The following TMEM68 variants were observed in gnomAD, a reference collection of about 807,000 sequenced individuals.
TMEM68 encodes the protein DGAT1/2-independent enzyme synthesizing storage lipids.
In TMEM68, 25 loss-of-function variants were observed where a neutral mutation model predicts 36.9. That is an observed-to-expected ratio of 0.68 (90% CI 0.49 to 0.95). The LOEUF is 0.95. TMEM68 is among the 40% of genes least tolerant of loss of function. TMEM68 has a pLI of 0.00. For missense variants in TMEM68, 333 were observed against 392.0 expected (o/e 0.85, Z 1.27); for synonymous variants, 131 against 124.4 (o/e 1.05, Z -0.35).
At chr8:55,741,559 G>A (rs1237666878) in intron 7 of TMEM68, among the ~76,000 whole-genome samples, 2 of 152,220 alleles carry the variant, frequency 1.3e-5, no homozygotes, top group Non-Finnish European at 1.5e-5. Context: ...CATACCATCT[G>A]AAGTGTGAAA....
At chr8:55,741,028 G>A (rs184973066) in intron 7 of TMEM68, among the ~76,000 whole-genome samples, 281 of 152,248 alleles carry the variant, frequency 1.8e-3, no homozygotes, top group Non-Finnish European at 3.1e-3. Context: ...GAGATCAAGA[G>A]TTCGAGAGCA....
intron 3 of TMEM68, among the ~76,000 whole-genome samples, chr8:55,759,234 A>T (rs1414397810): frequency 6.8e-6 from 1 of 147,128 alleles, no homozygotes; most frequent in Non-Finnish European, 1.5e-5. Context: ...AGCCTGGGCA[A>T]ATCAGTGAAA....
rs1482779796 is a variant in TMEM68 at position 55,758,876 on chromosome 8, G to A, written c.326-2465C>T. Reference sequence around the variant, plus strand: ...GGTGGATACATGCACAATCAGATTAGGAATTTCAGCAGAAAGATGGAAACT... The same window carrying A: ...GGTGGATACATGCACAATCAGATTAAGAATTTCAGCAGAAAGATGGAAACT... On this transcript the variant is annotated intron_variant, in intron 3 of 7. Transcript: ENST00000434581. 2.6e-5 allele frequency among the ~76,000 whole-genome samples: 4 copies of A among 152,102 alleles called. No individual in the cohort carries two copies. In the East Asian group the frequency reaches 7.7e-4, roughly 29 times the overall value.
chr8:55,767,832 G>C (rs550230729), intron 1 of TMEM68, among the ~76,000 whole-genome samples: 40 of 152,148 alleles, frequency 2.6e-4, no homozygotes, highest in Non-Finnish European at 5.9e-4. Context: ...AACTACTTGG[G>C]AGGCTGAGGC....
At chr8:55,763,132 G>A (rs1479470673) in intron 2 of TMEM68, 104 bp from the exon 3 acceptor site, 1 of 570,100 alleles carries the variant, frequency 1.8e-6, no homozygotes, top group African/African-American at 1.9e-5. Context: ...TACCCAAAAT[G>A]AGTAGATGGT....
At position 55,740,861 on chromosome 8, in the gene TMEM68, T is replaced by C. The variant is rs531555362; in HGVS notation, c.889-643A>G. 1.7e-3 allele frequency among the ~76,000 whole-genome samples: 266 copies of C among 152,278 alleles called. 2 individuals are homozygous for C. Among genetic ancestry groups the C allele is most frequent in the African/African-American group, 6.3e-3 (261 of 41,562 alleles). Reference sequence around the variant, plus strand: ...GGCATGAGTCATCATGAACTATGTATTTACATACATATATACTTCCTTTTC... The same window carrying C: ...GGCATGAGTCATCATGAACTATGTACTTACATACATATATACTTCCTTTTC... On this transcript the variant is annotated intron_variant, in intron 7 of 7. Coordinates refer to ENST00000434581, the MANE Select transcript of TMEM68 (RefSeq NM_001286657.2).
At chr8:55,764,719 A>T (rs1267332755) in intron 1 of TMEM68, among the ~76,000 whole-genome samples, 2 of 152,176 alleles carry the variant, frequency 1.3e-5, no homozygotes, top group African/African-American at 4.8e-5. Context: ...TGAACATAGC[A>T]AACATTGAGC....
At chr8:55,741,610 A>G (rs1810104956) in intron 7 of TMEM68, among the ~76,000 whole-genome samples, 1 of 152,198 alleles carries the variant, frequency 6.6e-6, no homozygotes, top group Non-Finnish European at 1.5e-5. Context: ...CCCACTGGGT[A>G]GGCAGTGAGC....
chr8:55,766,841 A>G (rs1377514952), intron 1 of TMEM68, among the ~76,000 whole-genome samples: 3 of 152,214 alleles, frequency 2.0e-5, no homozygotes, highest in African/African-American at 4.8e-5. Context: ...GCTTACATAC[A>G]TGTGGCAGAG....
rs1414742493 is a variant in TMEM68, at chr8:55,740,092, T to C, written c.*40A>G. The C allele has an allele frequency of 1.3e-6, 2 of 1,485,010 alleles. No homozygotes were observed. Among genetic ancestry groups the C allele is most frequent in the East Asian group, 4.5e-5 (2 of 44,076 alleles). The allele number at this position is 1,485,010 out of a possible 1,614,324, so 92.0% of individuals were successfully genotyped here. A position where few individuals can be genotyped will look rare whatever the true frequency, so the allele number is the denominator to read the frequency against. On this transcript the variant is annotated 3_prime_UTR_variant, in exon 8 of 8. Transcript: ENST00000434581. ...CAGTACCTTAGATACAAACATTTAATATAAATGTACTAAATCATCTTCTAG... is the reference window on the plus strand; with the variant it reads ...CAGTACCTTAGATACAAACATTTAACATAAATGTACTAAATCATCTTCTAG...
intron 7 of TMEM68, among the ~76,000 whole-genome samples, chr8:55,741,258 C>T (rs541248886): frequency 6.6e-6 from 1 of 152,080 alleles, no homozygotes; most frequent in African/African-American, 2.4e-5. Flanking sequence ...AAAAAACACC[C>T]CTCTAAACCA....
intron 7 of TMEM68, among the ~76,000 whole-genome samples, chr8:55,742,226 G>C (rs150478041): frequency 7.4e-4 from 113 of 152,300 alleles, no homozygotes; most frequent in Middle Eastern, 3.4e-3. Context: ...AATGGTGGTT[G>C]CTAGGAGCTG....
intron 4 of TMEM68, among the ~76,000 whole-genome samples, chr8:55,752,713 T>C (rs1322259086): frequency 1.4e-5 from 2 of 145,378 alleles, no homozygotes; most frequent in Non-Finnish European, 3.0e-5. Context: ...GGATAAAATA[T>C]AGGATCCCTT....
intron 6 of TMEM68, 39 bp from the exon 7 acceptor site, chr8:55,743,659 T>C (rs1410382080): frequency 6.6e-7 from 1 of 1,506,320 alleles, no homozygotes; most frequent in Admixed American, 2.1e-5. Flanking sequence ...ACTTGTTAAG[T>C]ATTCTGACCA....
At chr8:55,754,912 ATTATATAT>A (rs1197875233) in intron 4 of TMEM68, among the ~76,000 whole-genome samples, 1 of 112,722 alleles carries the variant, frequency 8.9e-6, no homozygotes, top group East Asian at 2.4e-4. Flanking sequence ...TATATTATAT[ATTATATAT>A]TTATATATAT....
At chr8:55,752,723 T>C (rs893347655) in intron 4 of TMEM68, among the ~76,000 whole-genome samples, 3 of 5,922 alleles carry the variant, frequency 5.1e-4, no homozygotes, top group Non-Finnish European at 9.2e-4. Flanking sequence ...TAGGATCCCT[T>C]TTTTTTTTTT....
At chr8:55,771,151 T>C (rs993395402) in intron 1 of TMEM68, among the ~76,000 whole-genome samples, 11 of 140,474 alleles carry the variant, frequency 7.8e-5, no homozygotes, top group African/African-American at 2.8e-4. Context: ...TGAATCTCCG[T>C]CTCCAAAAAA....
chr8:55,764,606 C>A (rs576167769), intron 1 of TMEM68, among the ~76,000 whole-genome samples: 86 of 152,300 alleles, frequency 5.6e-4, no homozygotes, highest in Non-Finnish European at 1.1e-3. Context: ...ATTAGGAGGG[C>A]AGGCACTGAC....
chr8:55,768,143 T>TAAAAAAAAAAAAA, intron 1 of TMEM68, among the ~76,000 whole-genome samples: 1 of 139,214 alleles, frequency 7.2e-6, no homozygotes. Flanking sequence ...GAGACAGCTT[T>TAAAAAAAAAAAAA]AAAAAAAAAA....
Sources: gnomAD v4.1 joint callset for allele counts (sites outside exome capture counted in the v4.1 genomes callset) on GRCh38, gnomAD v4.1.1 for gene constraint, MANE v1.5 for transcripts, NCBI Gene and HGNC (gene_info 2026-07-23, HGNC 2026-07-21) for gene names.